The following GNAS variants were observed in gnomAD, a reference collection of about 807,000 sequenced individuals.
The protein encoded by GNAS is protein ALEX.
Under a neutral mutation model 54.5 loss-of-function variants are expected in GNAS, and 8 were observed. The observed-to-expected ratio is 0.15, with a 90% CI of 0.09 to 0.26. The LOEUF is 0.26. Ranked by LOEUF, GNAS falls within the 10% of genes least tolerant of loss-of-function variation. The pLI, the probability that GNAS is intolerant of heterozygous loss-of-function variation, is 1.00. For missense variants in GNAS, 170 were observed against 529.8 expected, an observed-to-expected ratio of 0.32 and a Z score of 6.67; for synonymous variants, 204 against 191.4, an observed-to-expected ratio of 1.07 and a Z score of -0.54.
At chr20:58,872,002 A>G (rs1237023313) in intron 1 of GNAS, among the ~76,000 whole-genome samples, 1 of 152,120 alleles carries the variant, frequency 6.6e-6, no homozygotes, top group African/African-American at 2.4e-5. Flanking sequence ...CAGGTTCACA[A>G]TCCAGGCTGG....
chr20:58,867,219 G>A (rs777338754), intron 1 of GNAS, among the ~76,000 whole-genome samples: 8 of 152,230 alleles, frequency 5.3e-5, no homozygotes, highest in Non-Finnish European at 7.3e-5. Flanking sequence ...ACAAATGCCA[G>A]ACGTTAGGGG....
intron 2 of GNAS, among the ~76,000 whole-genome samples, chr20:58,897,025 A>G (rs1220035644): frequency 6.6e-6 from 1 of 152,246 alleles, no homozygotes; most frequent in Non-Finnish European, 1.5e-5. Flanking sequence ...ATAATTGTTT[A>G]GAGAAGGATG....
At chr20:58,859,195 T>C (rs575248640) in intron 1 of GNAS, among the ~76,000 whole-genome samples, 1 of 152,334 alleles carries the variant, frequency 6.6e-6, no homozygotes, top group South Asian at 2.1e-4. Context: ...CACATTCTGA[T>C]TACATTTTTT....
chr20:58,875,469 G>A (rs906478406), intron 1 of GNAS, among the ~76,000 whole-genome samples: 2 of 152,184 alleles, frequency 1.3e-5, no homozygotes, highest in Non-Finnish European at 2.9e-5. Flanking sequence ...AGAGGCATTG[G>A]GGGGAACAGG....
chr20:58,905,667 T>C (rs1156778409), intron 6 of GNAS, among the ~76,000 whole-genome samples, 187 bp downstream of exon 6: 1 of 152,228 alleles, frequency 6.6e-6, no homozygotes, highest in Non-Finnish European at 1.5e-5. Flanking sequence ...AATTGCATTT[T>C]TTTTCTTTTA....
chr20:58,892,249 C>T (rs2089495526), intron 1 of GNAS: 7 of 914,522 alleles, frequency 7.7e-6, no homozygotes, highest in African/African-American at 1.8e-5. Context: ...CATGGGGCTC[C>T]GGAGACTGCG....
intron 1 of GNAS, among the ~76,000 whole-genome samples, chr20:58,865,741 C>T (rs1332593466): frequency 1.3e-5 from 2 of 151,742 alleles, no homozygotes; most frequent in Non-Finnish European, 2.9e-5. Context: ...GTGTCCAACC[C>T]TGCAGAAGTA....
At chr20:58,840,591 G>T, upstream of GNAS, 1 of 1,611,020 alleles carries the variant, frequency 6.2e-7, no homozygotes, top group Non-Finnish European at 8.5e-7. The surrounding 1 kb of genome is among the most constrained non-coding windows in gnomAD (Gnocchi z 6.0). Flanking sequence ...CTCACCCAGC[G>T]TCTGCACGCT....
Position 58,891,916 on chromosome 20 carries a change from GCCCCGCAGGCCGCGCGCGCCGAGCCCGCC to G in GNAS, c.139+58_139+86del. The stretch of plus-strand genomic sequence containing the variant: ...CCCGGCCCGGGGGCCCTCGAAGGGC[GCCCCGCAGGCCGCGCGCGCCGAGCCCGCC>G]CCCCGCCCCGGGCGCGCGCTCCCGA... On this transcript the variant is annotated intron_variant, in intron 1 of 12. Transcript: ENST00000371085. 4.2e-6 allele frequency: 4 copies of G among 955,926 alleles called. No homozygotes were observed. In the South Asian group the frequency reaches 1.9e-4, roughly 45 times the overall value. 59.2% of individuals were successfully genotyped at this position (955,926 alleles called of 1,614,324 possible).
chr20:58,889,023 C>A, upstream of GNAS: 1 of 978,614 alleles, frequency 1.0e-6, no homozygotes, highest in South Asian at 4.3e-5. Flanking sequence ...CCTGCACCCC[C>A]AGGGTGCGCG....
intron 1 of GNAS, among the ~76,000 whole-genome samples, chr20:58,851,247 T>C (rs976123546): frequency 5.9e-5 from 9 of 152,200 alleles, no homozygotes; most frequent in African/African-American, 1.7e-4. Flanking sequence ...GGATGGTGGA[T>C]GCAGGGGTGC....
At chr20:58,855,862 G>T in intron 1 of GNAS, 1 of 555,588 alleles carries the variant, frequency 1.8e-6, no homozygotes, top group South Asian at 2.5e-5. Flanking sequence ...TTCCTATCCC[G>T]GCACCCCCAA....
At chr20:58,850,145 T>A (rs1450657993) in intron 1 of GNAS, among the ~76,000 whole-genome samples, 2 of 152,154 alleles carry the variant, frequency 1.3e-5, no homozygotes, top group African/African-American at 4.8e-5. Context: ...CCACCTTCTA[T>A]TCATAGCCAA....
In GNAS at chr20:58,910,120, G is replaced by A. The variant is rs2146295835; in HGVS notation, c.970+39G>A. On this transcript the variant is annotated intron_variant, in intron 11 of 12. Transcript: ENST00000371085. This position sits in a 1 kb window ranked among gnomAD's most constrained non-coding sequence, Gnocchi z 5.8. ...CCACTCTTGCTGGCTGTTCATTGCG[G>A]TGGTTCTTTTTCAAACGGTCAGGCT... 6.2e-7 allele frequency: 1 copy of A among 1,607,552 alleles called. No homozygotes were observed. The highest frequency in any genetic ancestry group is 1.1e-5 in the South Asian group (1 of 90,892).
At chr20:58,903,396 CTT>C in intron 3 of GNAS, 133 bp from the exon 4 acceptor site, 1 of 809,862 alleles carries the variant, frequency 1.2e-6, no homozygotes, top group Non-Finnish European at 2.1e-6. Context: ...TACCTCCAAT[CTT>C]TGCACAGATC....
chr20:58,864,597 A>G (rs1275732200), intron 1 of GNAS, among the ~76,000 whole-genome samples: 5 of 152,186 alleles, frequency 3.3e-5, no homozygotes, highest in African/African-American at 4.8e-5. Context: ...GAGACAGTAT[A>G]AGGCAGAAAA....
chr20:58,841,391 A>C lies in GNAS; in HGVS notation c.43+505A>C. ...TTGAAATGTGCGGAAAGTAATCTGA[A>C]TGGGAATGGGCGAGAACTCTAGAGA... On this transcript the variant is annotated intron_variant, in intron 1 of 12. Coordinates refer to the GNAS transcript ENST00000306090. This position sits in a 1 kb window ranked among gnomAD's most constrained non-coding sequence, Gnocchi z 5.0. 9.9e-7 allele frequency: 1 copy of C among 1,012,414 alleles called. No individual in the cohort carries two copies. The allele number at this position is 1,012,414 out of a possible 1,614,324, so 62.7% of individuals were successfully genotyped here.
intron 1 of GNAS, among the ~76,000 whole-genome samples, chr20:58,864,928 GACACACACACACAC>G (rs144642876): frequency 7.2e-6 from 1 of 138,842 alleles, no homozygotes; most frequent in African/African-American, 2.7e-5. Flanking sequence ...CTACCTACCA[GACACACACACACAC>G]ACACACACAC....
At chr20:58,854,621 T>A in intron 1 of GNAS, 2 of 1,537,300 alleles carry the variant, frequency 1.3e-6, no homozygotes, top group Non-Finnish European at 1.7e-6. Context: ...CCCCAGCCGA[T>A]CCCGACTCCG....
Sources: allele counts gnomAD v4.1 joint callset (sites outside exome capture counted in the v4.1 genomes callset), GRCh38; gene constraint gnomAD v4.1.1; non-coding constraint Gnocchi (gnomAD v3.1); transcripts MANE v1.5; gene names NCBI Gene and HGNC (gene_info 2026-07-23, HGNC 2026-07-21).